SEC14L5: variants seen among roughly 807,000 people sequenced by gnomAD.
SEC14L5 encodes SEC14 like lipid binding 5, also known as SEC14-like protein 5.
A neutral mutation model predicts 84.6 loss-of-function variants in SEC14L5; 96 were observed. The observed-to-expected ratio is 1.13, with a 90% CI of 0.96 to 1.34. The LOEUF (loss-of-function observed/expected upper bound fraction) is 1.34, where lower values mean the gene tolerates loss of function less well. Among genes scored for constraint, SEC14L5 ranks in the 40% most tolerant of loss-of-function variants. SEC14L5 has a pLI of 0.00. For missense variants in SEC14L5, 1,224 were observed against 942.5 expected (o/e 1.30, Z -3.91); for synonymous variants, 546 against 383.4 (o/e 1.42, Z -4.95).
chr16:4,966,398 T>C (rs1402638680), intron 2 of SEC14L5, among the ~76,000 whole-genome samples: 1 of 146,964 alleles, frequency 6.8e-6, no homozygotes, highest in Non-Finnish European at 1.5e-5. Flanking sequence ...CTCAGCCTCC[T>C]GAGTAGCTGG....
rs1955217699 is a variant in SEC14L5, at chr16:4,967,561, CGTTTTTTTTTTTT to C, written c.63+8176_63+8188del. Among the ~76,000 whole-genome samples the C allele has an allele frequency of 8.1e-5, 7 of 86,272 alleles. 1 individual carries two copies. Among genetic ancestry groups the C allele is most frequent in the Admixed American group, 4.8e-4 (4 of 8,380 alleles). The allele number at this position is 86,272 out of a possible 152,430, so 56.6% of individuals were successfully genotyped here. On this transcript the variant is annotated intron_variant, in intron 2 of 15. Coordinates refer to ENST00000251170, the MANE Select transcript of SEC14L5 (RefSeq NM_014692.2). ...TTCTGGCTCTGACTTTTCTTTCTTTCGTTTTTTTTTTTTTTTTTTTTTTTTTTTTTTGACAGAG... is the reference window on the plus strand; with the variant it reads ...TTCTGGCTCTGACTTTTCTTTCTTTCTTTTTTTTTTTTTTTTTTGACAGAG...
At position 5,003,562 on chromosome 16, in the gene SEC14L5, C is replaced by G. The variant is rs1955700039; in HGVS notation, c.1291C>G (p.Leu431Val). The change falls in exon 11 of 16, where the codon CTC (leucine) becomes GTC (valine). Residue 431 changes from leucine (L) to valine (V), a missense_variant. Physicochemically the swap from Leu to Val is conservative, Grantham distance 32 (BLOSUM62 1). Coordinates refer to ENST00000251170, the MANE Select transcript of SEC14L5 (RefSeq NM_014692.2). Reference protein sequence around the residue: ...IVRAPRVFPVLWTLISPFINE... With the variant: ...IVRAPRVFPVVWTLISPFINE... ...GCGAGCCCCCCGAGTCTTCCCCGTGCTCTGGACACTGGTAAGAGCTGGAGC... is the reference window on the plus strand; with the variant it reads ...GCGAGCCCCCCGAGTCTTCCCCGTGGTCTGGACACTGGTAAGAGCTGGAGC... The G allele has an allele frequency of 7.4e-7, 1 of 1,350,216 alleles. No homozygotes were observed. The highest frequency in any genetic ancestry group is 9.8e-7 in the Non-Finnish European group (1 of 1,018,446). 83.6% of individuals were successfully genotyped at this position (1,350,216 alleles called of 1,614,324 possible). A position where few individuals can be genotyped will look rare whatever the true frequency, so the allele number is the denominator to read the frequency against.
intron 15 of SEC14L5, among the ~76,000 whole-genome samples, chr16:5,013,191 A>T (rs976595724): frequency 5.3e-5 from 8 of 152,058 alleles, no homozygotes; most frequent in Non-Finnish European, 1.2e-4. Flanking sequence ...TTGAGATGAG[A>T]TTTACTTGGG....
intron 4 of SEC14L5, among the ~76,000 whole-genome samples, chr16:4,989,027 TG>T (rs1466931871): frequency 1.3e-5 from 2 of 152,216 alleles, no homozygotes; most frequent in African/African-American, 4.8e-5. Flanking sequence ...GAGCTGCTCA[TG>T]GAGGACTGGG....
At chr16:4,967,121 C>T (rs1955210079) in intron 2 of SEC14L5, among the ~76,000 whole-genome samples, 2 of 152,188 alleles carry the variant, frequency 1.3e-5, no homozygotes. Context: ...TGACTTAGAA[C>T]AACATAAGTT....
At chr16:4,981,619 G>T (rs1596622951) in intron 2 of SEC14L5, among the ~76,000 whole-genome samples, 1 of 152,248 alleles carries the variant, frequency 6.6e-6, no homozygotes, top group East Asian at 1.9e-4. Flanking sequence ...TTTCTGAGCT[G>T]CCCATGACAA....
chr16:4,995,644 T>A (rs1264486390), intron 6 of SEC14L5, among the ~76,000 whole-genome samples: 3 of 149,520 alleles, frequency 2.0e-5, no homozygotes, highest in Admixed American at 1.3e-4. Flanking sequence ...TTTTTTTTTT[T>A]AAGACGGAGT....
At chr16:4,966,880 C>T (rs1955206645) in intron 2 of SEC14L5, among the ~76,000 whole-genome samples, 1 of 152,210 alleles carries the variant, frequency 6.6e-6, no homozygotes, top group African/African-American at 2.4e-5. Context: ...CCCTTCGGGA[C>T]CCTGCAAGGG....
chr16:5,010,207 AAAAAAAAAAAG>A (rs1240054035), intron 14 of SEC14L5, among the ~76,000 whole-genome samples: 8 of 149,152 alleles, frequency 5.4e-5, no homozygotes, highest in African/African-American at 2.0e-4. Flanking sequence ...AAAAAAAAAA[AAAAAAAAAAAG>A]CGAGGTGTGG....
chr16:4,993,389 G>C (rs1047990062), intron 6 of SEC14L5, among the ~76,000 whole-genome samples: 3 of 152,120 alleles, frequency 2.0e-5, no homozygotes, highest in African/African-American at 7.2e-5. Flanking sequence ...TTACAGGCAT[G>C]TGCCACCACA....
chr16:5,015,085 ATGC>A lies in SEC14L5; in HGVS notation c.*119_*121del, dbSNP rs1314140801. 1.3e-6 allele frequency: 1 copy of A among 779,390 alleles called. No homozygotes were observed. The highest frequency in any genetic ancestry group is 2.1e-6 in the Non-Finnish European group (1 of 486,180). 48.3% of individuals were successfully genotyped at this position (779,390 alleles called of 1,614,324 possible). ...ATGTGGGCTGGAGCCCCAGGCCTAG[ATGC>A]TGCCCAAGTTGGGGTGTCTGGAGCG... On this transcript the variant is annotated 3_prime_UTR_variant, in exon 16 of 16. Coordinates refer to ENST00000251170, the MANE Select transcript of SEC14L5 (RefSeq NM_014692.2).
At chr16:4,993,159 C>G (rs1259953133) in intron 6 of SEC14L5, among the ~76,000 whole-genome samples, 2 of 152,138 alleles carry the variant, frequency 1.3e-5, no homozygotes, top group Non-Finnish European at 2.9e-5. Flanking sequence ...CCTCCTGCCC[C>G]AGCTTCCTGA....
At chr16:4,979,875 G>A (rs866817246) in intron 2 of SEC14L5, among the ~76,000 whole-genome samples, 4 of 151,996 alleles carry the variant, frequency 2.6e-5, no homozygotes, top group East Asian at 1.9e-4. Context: ...ATGCCCCACC[G>A]GCCCCATCCT....
chr16:4,964,610 C>G (rs1020002114), intron 2 of SEC14L5, among the ~76,000 whole-genome samples: 4 of 152,024 alleles, frequency 2.6e-5, no homozygotes, highest in Admixed American at 6.6e-5. Flanking sequence ...GACCCACAGG[C>G]TCTCTCTCTG....
In SEC14L5 at chr16:4,958,424, C is replaced by G. The variant is rs1159049350; in HGVS notation, c.-73C>G. On this transcript the variant is annotated 5_prime_UTR_variant, in exon 1 of 16. It adds an upstream start codon to the 5' untranslated region. Coordinates refer to ENST00000251170, the MANE Select transcript of SEC14L5 (RefSeq NM_014692.2). ...AGGCGGGACACACCAGGCTAGAGAT[C>G]CGCGATCGGGCCCCGCCTCAGGTAC... 6.6e-6 allele frequency: 1 copy of G among 152,418 alleles called. No homozygotes were observed. The highest frequency in any genetic ancestry group is 2.4e-5 in the African/African-American group (1 of 41,356). 9.4% of individuals were successfully genotyped at this position (152,418 alleles called of 1,614,324 possible). A position where few individuals can be genotyped will look rare whatever the true frequency, so the allele number is the denominator to read the frequency against.
At chr16:4,988,393 C>T in intron 4 of SEC14L5, 113 bp downstream of exon 4, 1 of 1,335,890 alleles carries the variant, frequency 7.5e-7, no homozygotes, top group Non-Finnish European at 1.0e-6. Flanking sequence ...GCCCTCCCTC[C>T]TGGGGCATTG....
intron 14 of SEC14L5, among the ~76,000 whole-genome samples, chr16:5,010,734 A>T (rs1955789913): frequency 6.6e-6 from 1 of 152,126 alleles, no homozygotes; most frequent in Non-Finnish European, 1.5e-5. Context: ...AGCACCTGTG[A>T]GCTCCCGGCC....
Position 5,000,908 on chromosome 16 carries a change from G to T in SEC14L5, c.1113G>T (p.Gln371His). The T allele has an allele frequency of 3.7e-6, 6 of 1,607,810 alleles. No homozygotes were observed. The highest frequency in any genetic ancestry group is 5.1e-6 in the Non-Finnish European group (6 of 1,177,360). ...GQKRCEGSTR[Q>H]LGRPISSWTC... ...AGCGGTGTGAGGGGAGCACAAGGCA[G>T]CTGGGCCGTCCCATCAGGCAAACAC... Residue 371 changes from glutamine to histidine, a missense_variant, in exon 10 of 16, where the codon CAG becomes CAT. Gln to His is a conservative substitution (Grantham distance 24). Transcript: ENST00000251170.
At chr16:4,959,443 G>C in intron 2 of SEC14L5, 57 bp downstream of exon 2, 2 of 1,427,966 alleles carry the variant, frequency 1.4e-6, no homozygotes, top group South Asian at 1.1e-5. Context: ...CTTGAGATCA[G>C]CTATGGCGGT....
Sources: allele counts gnomAD v4.1 joint callset (sites outside exome capture counted in the v4.1 genomes callset), GRCh38; gene constraint gnomAD v4.1.1; transcripts MANE v1.5; gene names NCBI Gene and HGNC (gene_info 2026-07-23, HGNC 2026-07-21).